Variants in SLC14A2 observed in about 807,000 individuals in gnomAD.
SLC14A2 encodes urea transporter 2.
Under a neutral mutation model 104.6 loss-of-function variants are expected in SLC14A2, and 91 were observed. The ratio of observed to expected loss-of-function variants is 0.87; its 90% CI spans 0.73 to 1.04. The LOEUF is 1.04. Ranked by LOEUF, SLC14A2 falls within the 50% of genes least tolerant of loss-of-function variation. SLC14A2 has a pLI of 0.00. For missense variants in SLC14A2, 1,189 were observed against 1,156.0 expected (o/e 1.03, Z -0.41); for synonymous variants, 476 against 466.4 (o/e 1.02, Z -0.27).
At chr18:45,457,003 A>G (rs900219873) in intron 1 of SLC14A2, among the ~76,000 whole-genome samples, 7 of 152,126 alleles carry the variant, frequency 4.6e-5, no homozygotes, top group African/African-American at 1.7e-4. Context: ...CACAAGATAC[A>G]GGGACCTGGA....
intron 2 of SLC14A2, among the ~76,000 whole-genome samples, chr18:45,545,046 G>A (rs1166982851): frequency 2.0e-5 from 3 of 151,866 alleles, no homozygotes; most frequent in Non-Finnish European, 2.9e-5. Context: ...TGCCCGCCTC[G>A]GCCTCCCAAA....
Position 45,373,152 on chromosome 18 carries a change from A to G in SLC14A2, c.-124-110081A>G, listed in dbSNP as rs563895370. Among the ~76,000 whole-genome samples the G allele has an allele frequency of 8.5e-5, 13 of 152,324 alleles. No homozygotes were observed. The South Asian group carries it at 2.7e-3, about 32-fold the overall frequency. On this transcript the variant is annotated intron_variant, in intron 1 of 20. Transcript: ENST00000586448. ...CTCCATAAGAACAGGGTTTATTGCT[A>G]TGTATGCCCCATGACACTAAATGTG...
intron 2 of SLC14A2, among the ~76,000 whole-genome samples, chr18:45,546,948 A>G (rs2043980073): frequency 6.6e-6 from 1 of 152,204 alleles, no homozygotes; most frequent in South Asian, 2.1e-4. Flanking sequence ...GTTGGAAGGC[A>G]TAGGAAACAC....
At chr18:45,318,335 C>G (rs1162139261) in intron 1 of SLC14A2, among the ~76,000 whole-genome samples, 1 of 152,184 alleles carries the variant, frequency 6.6e-6, no homozygotes, top group Non-Finnish European at 1.5e-5. Flanking sequence ...GGATGCTTTT[C>G]TCAGCACTGG....
At chr18:45,655,160 A>T (rs1181462937) in intron 10 of SLC14A2, among the ~76,000 whole-genome samples, 1 of 152,004 alleles carries the variant, frequency 6.6e-6, no homozygotes, top group Non-Finnish European at 1.5e-5. Flanking sequence ...CCTTTTACAT[A>T]CTCAGATTAC....
chr18:45,673,129 A>T, intron 17 of SLC14A2, 82 bp downstream of exon 17: 1 of 1,309,224 alleles, frequency 7.6e-7, no homozygotes, highest in Middle Eastern at 2.0e-4. Flanking sequence ...CTCATCTTCA[A>T]CACTCCACCT....
rs553400906 is a variant in SLC14A2 at position 45,328,782 on chromosome 18, G to A, written c.-125+115591G>A. 4.6e-5 allele frequency among the ~76,000 whole-genome samples: 7 copies of A among 152,278 alleles called. No individual in the cohort carries two copies. The South Asian group carries it at 1.0e-3, about 23-fold the overall frequency. On this transcript the variant is annotated intron_variant, in intron 1 of 20. Transcript: ENST00000586448. ...CCAATTGGTTTTTATGAAAAGCAAA[G>A]GAATTATGAAAAGCACATTGCAAAT...
chr18:45,629,518 G>T (rs1378536419), intron 4 of SLC14A2, among the ~76,000 whole-genome samples: 3 of 152,042 alleles, frequency 2.0e-5, no homozygotes, highest in African/African-American at 4.8e-5. Flanking sequence ...ATTTACCTGG[G>T]GTGAACTCTG....
intron 3 of SLC14A2, among the ~76,000 whole-genome samples, chr18:45,626,609 T>G (rs1363361106): frequency 4.9e-5 from 6 of 123,460 alleles, no homozygotes; most frequent in Non-Finnish European, 5.1e-5. Flanking sequence ...CCCCCCCACC[T>G]TCCCCACCCT....
intron 2 of SLC14A2, among the ~76,000 whole-genome samples, chr18:45,536,317 G>C (rs2043781688): frequency 6.6e-6 from 1 of 152,206 alleles, no homozygotes; most frequent in Non-Finnish European, 1.5e-5. Context: ...CCACAAACTA[G>C]GTGGCTTAAA....
intron 2 of SLC14A2, among the ~76,000 whole-genome samples, chr18:45,527,439 A>G (rs536311224): frequency 4.8e-4 from 73 of 152,372 alleles, no homozygotes; most frequent in Non-Finnish European, 7.6e-4. Context: ...ACAGCTTAAG[A>G]TAAAAGCAAG....
chr18:45,501,102 T>C (rs145566211), intron 2 of SLC14A2, among the ~76,000 whole-genome samples: 1 of 152,282 alleles, frequency 6.6e-6, no homozygotes, highest in East Asian at 1.9e-4. Flanking sequence ...CTAGTATGTG[T>C]GTATTGTCCC....
intron 1 of SLC14A2, among the ~76,000 whole-genome samples, chr18:45,340,362 G>A (rs939659009): frequency 4.6e-5 from 7 of 152,266 alleles, no homozygotes; most frequent in Admixed American, 1.3e-4. Flanking sequence ...CCTCCTGATC[G>A]CCCTGAGAAG....
chr18:45,228,447 C>T (rs569876033), intron 1 of SLC14A2, among the ~76,000 whole-genome samples: 12 of 152,236 alleles, frequency 7.9e-5, no homozygotes, highest in South Asian at 4.1e-4. Flanking sequence ...GGGAGGCCTG[C>T]TTTGTCTCTG....
chr18:45,337,879 A>G (rs973394809), intron 1 of SLC14A2, among the ~76,000 whole-genome samples: 1 of 152,148 alleles, frequency 6.6e-6, no homozygotes, highest in Non-Finnish European at 1.5e-5. Context: ...ATCTGTAGAG[A>G]TTCTCCAATA....
intron 1 of SLC14A2, among the ~76,000 whole-genome samples, chr18:45,256,619 G>A (rs2084481468): frequency 6.6e-6 from 1 of 152,170 alleles, no homozygotes; most frequent in Non-Finnish European, 1.5e-5. Flanking sequence ...TCTCTGATGT[G>A]ATAATTTCAT....
At chr18:45,663,662 C>T in intron 10 of SLC14A2, 123 bp from the exon 11 acceptor site, 1 of 1,056,268 alleles carries the variant, frequency 9.5e-7, no homozygotes, top group Non-Finnish European at 1.4e-6. Context: ...ATGACTACTC[C>T]AGCTTCAGGC....
intron 2 of SLC14A2, among the ~76,000 whole-genome samples, chr18:45,609,972 G>A (rs932808597): frequency 1.4e-4 from 21 of 152,306 alleles, no homozygotes; most frequent in African/African-American, 4.6e-4. Context: ...TCTAGTTTTT[G>A]TTTAGTTGGT....
intron 1 of SLC14A2, among the ~76,000 whole-genome samples, chr18:45,277,995 A>C (rs1035485046): frequency 1.3e-5 from 2 of 152,124 alleles, no homozygotes; most frequent in African/African-American, 4.8e-5. Flanking sequence ...TTATAACTGA[A>C]CTCATGCAGG....
Sources: gnomAD v4.1 joint callset for allele counts (sites outside exome capture counted in the v4.1 genomes callset) on GRCh38, gnomAD v4.1.1 for gene constraint, MANE v1.5 for transcripts, NCBI Gene and HGNC (gene_info 2026-07-23, HGNC 2026-07-21) for gene names.